MUC20: variants seen among roughly 807,000 people sequenced by gnomAD.
MUC20 encodes mucin-20.
MUC20 carries 14 observed loss-of-function variants against 23.8 expected under a neutral mutation model. The observed-to-expected ratio is 0.59, with a 90% CI of 0.39 to 0.92. MUC20 has a LOEUF of 0.92. MUC20 is among the 40% of genes least tolerant of loss of function. The pLI is 0.00. For synonymous variants in MUC20, 166 were observed against 279.3 expected (o/e 0.59, Z 4.04); for missense variants, 375 against 668.8 (o/e 0.56, Z 4.85).
At chr3:195,729,849 G>A in intron 3 of MUC20, 110 bp downstream of exon 3, 2 of 1,061,754 alleles carry the variant, frequency 1.9e-6, no homozygotes, top group African/African-American at 1.6e-5. Context: ...TTGGAAGGGA[G>A]TCTCGTTTCT....
In MUC20 at chr3:195,729,702, TCA is replaced by T; in HGVS notation, c.2026_2027del (p.Thr676Ter). ...CTGAGTGTGGCTTCCCCGGAAGACCTCACTGACCCCAGAGTGGCAGAAAGGCT... is the reference window on the plus strand; with the variant it reads ...CTGAGTGTGGCTTCCCCGGAAGACCTCTGACCCCAGAGTGGCAGAAAGGCT... On this transcript the variant is annotated frameshift_variant, in exon 3 of 4. Transcript: ENST00000447234. LOFTEE classifies it low-confidence loss of function (END_TRUNC). 1.9e-6 allele frequency: 3 copies of T among 1,597,832 alleles called. No individual in the cohort carries two copies. The highest frequency in any genetic ancestry group is 2.6e-6 in the Non-Finnish European group (3 of 1,171,636).
chr3:195,726,257 G>T lies in MUC20; in HGVS notation c.1654G>T (p.Val552Phe), dbSNP rs763437748. 3.1e-6 allele frequency: 5 copies of T among 1,613,906 alleles called. No homozygotes were observed. In the East Asian group the frequency reaches 1.1e-4, roughly 36 times the overall value. The change falls in exon 2 of 4, where the codon GTC becomes TTC. Residue 552 changes from valine (V) to phenylalanine (F), a missense_variant. Physicochemically the swap from Val to Phe is conservative, Grantham distance 50. This residue lies in a region of MUC20 where 343 missense variants were observed against 340.2 expected (regional missense o/e 1.01). Transcript: ENST00000447234. The stretch of plus-strand genomic sequence containing the variant: ...CGTCAAAGTCTCAGGAGCAGCTCCG[G>T]TCTCCATAGAGGCTGGGTCAGCAGT... ...SYVKVSGAAPVSIEAGSAVGK... is the reference protein window; with the variant it reads ...SYVKVSGAAPFSIEAGSAVGK...
intron 2 of MUC20, among the ~76,000 whole-genome samples, chr3:195,728,659 C>T (rs1380236611): frequency 1.3e-5 from 2 of 152,008 alleles, no homozygotes; most frequent in Non-Finnish European, 2.9e-5. Context: ...TTTACTAATC[C>T]ACCTCAGCAC....
chr3:195,730,034 C>T lies in MUC20; in HGVS notation c.2061+295C>T, dbSNP rs1391781111. 4.5e-4 allele frequency: 147 copies of T among 328,344 alleles called. No individual in the cohort carries two copies. In the East Asian group the frequency reaches 7.7e-3, roughly 17 times the overall value. The allele number at this position is 328,344 out of a possible 1,614,324, so 20.3% of individuals were successfully genotyped here. ...GCCTCTGAGGCAAAGGTCAGTGATA[C>T]TGATGGGAGGGTAGGTCGGACTCTT... is the stretch of plus-strand genomic sequence containing the variant. On this transcript the variant is annotated intron_variant, in intron 3 of 3. Coordinates refer to ENST00000447234, the MANE Select transcript of MUC20 (RefSeq NM_001282506.2).
chr3:195,726,236 A>T lies in MUC20; in HGVS notation c.1633A>T (p.Lys545Ter). 2 of 1,613,906 alleles carry T rather than the reference A, an allele frequency of 1.2e-6. No individual in the cohort carries two copies. Among genetic ancestry groups the T allele is most frequent in the Non-Finnish European group, 1.7e-6 (2 of 1,179,804 alleles). Reference sequence around the variant, plus strand: ...CTCTGTTGAGACACCAAGTTACGTCAAAGTCTCAGGAGCAGCTCCGGTCTC... The same window carrying T: ...CTCTGTTGAGACACCAAGTTACGTCTAAGTCTCAGGAGCAGCTCCGGTCTC... ...ALSVETPSYV[K>*]VSGAAPVSIE... Residue 545 changes from lysine (K) to a stop codon, truncating the protein, a stop_gained, in exon 2 of 4, where the codon AAA (lysine) becomes TAA (stop). Coordinates refer to ENST00000447234, the MANE Select transcript of MUC20 (RefSeq NM_001282506.2). LOFTEE classifies it high-confidence loss of function.
intron 1 of MUC20, among the ~76,000 whole-genome samples, chr3:195,723,606 T>C (rs1712367319): frequency 9.8e-6 from 1 of 102,280 alleles, no homozygotes; most frequent in Non-Finnish European, 2.0e-5. Context: ...TATTCGTCGT[T>C]TATCTGAAAT....
rs1314312506 is a variant in MUC20, at chr3:195,733,250, A to G, written c.*32A>G. ...TCAGCTGCAGCCAGGCATGTCCCGT[A>G]TGCCAAAAGAGGGTGCTGCCCCTAG... On this transcript the variant is annotated 3_prime_UTR_variant, in exon 4 of 4. Transcript: ENST00000447234. 3 of 1,567,562 alleles carry G rather than the reference A, an allele frequency of 1.9e-6. No homozygotes were observed. Among genetic ancestry groups the G allele is most frequent in the South Asian group, 1.2e-5 (1 of 84,644 alleles).
At chr3:195,721,554 G>C (rs150538069) in intron 1 of MUC20, among the ~76,000 whole-genome samples, 239 of 137,898 alleles carry the variant, frequency 1.7e-3, no homozygotes, top group South Asian at 9.9e-3. Context: ...TACAGATTTC[G>C]TGTGAAAAGT....
At chr3:195,731,907 C>T (rs1330129991) in intron 3 of MUC20, among the ~76,000 whole-genome samples, 1 of 152,272 alleles carries the variant, frequency 6.6e-6, no homozygotes, top group African/African-American at 2.4e-5. Context: ...AAATAAGTGA[C>T]AAATGCCCCC....
In MUC20 at chr3:195,733,214, G is replaced by A. The variant is rs1169840112; in HGVS notation, c.2126G>A (p.Gly709Asp). 6.3e-7 allele frequency: 1 copy of A among 1,590,220 alleles called. No homozygotes were observed. Among genetic ancestry groups the A allele is most frequent in the Middle Eastern group, 1.7e-4 (1 of 6,054 alleles). The change falls in exon 4 of 4, where the codon GGC becomes GAC. Residue 709 changes from glycine (G) to aspartate (D), a missense_variant. By Grantham distance (94) the Gly-to-Asp change is moderately conservative. Transcript: ENST00000447234. ...FQVSLLRVRR[G>D] ...GTCTCCTTACTGCGTGTCAGGAGAG[G>A]CTAACGGACATCAGCTGCAGCCAGG... is the stretch of plus-strand genomic sequence containing the variant.
At chr3:195,730,069 T>C in intron 3 of MUC20, 1 of 202,838 alleles carries the variant, frequency 4.9e-6, no homozygotes, top group Non-Finnish European at 9.0e-6. Context: ...TGGTTGCAAG[T>C]GGCAGAAACC....
intron 2 of MUC20, among the ~76,000 whole-genome samples, chr3:195,727,359 G>C (rs1054986032): frequency 4.6e-5 from 7 of 152,118 alleles, no homozygotes; most frequent in Non-Finnish European, 8.8e-5. Context: ...GAGACGGAGT[G>C]AAACTCCGTC....
rs1713598404 is a variant in MUC20, at chr3:195,733,348, A to C, written c.*130A>C. On this transcript the variant is annotated 3_prime_UTR_variant, in exon 4 of 4. Coordinates refer to ENST00000447234, the MANE Select transcript of MUC20 (RefSeq NM_001282506.2). The stretch of plus-strand genomic sequence containing the variant: ...TACCCAGAAGGTTCCCATGAAGGGC[A>C]GCATGTCCAAGCCCCTGACCCCAGA... 2.0e-6 allele frequency: 3 copies of C among 1,504,130 alleles called. No homozygotes were observed. The highest frequency in any genetic ancestry group is 5.0e-5 in the East Asian group (2 of 40,388). 93.2% of individuals were successfully genotyped at this position (1,504,130 alleles called of 1,614,324 possible).
intron 3 of MUC20, among the ~76,000 whole-genome samples, chr3:195,732,192 T>C (rs1713461296): frequency 6.6e-6 from 1 of 152,016 alleles, no homozygotes; most frequent in African/African-American, 2.4e-5. Context: ...TTAGTAGAGA[T>C]GGAGTTTCAG....
intron 2 of MUC20, among the ~76,000 whole-genome samples, chr3:195,728,675 C>A (rs1335273910): frequency 1.3e-5 from 2 of 152,054 alleles, no homozygotes; most frequent in East Asian, 1.9e-4. Flanking sequence ...AGCACAGACC[C>A]TTTACGGGTG....
At chr3:195,731,975 C>CTTTTGTTTTGTTTTG (rs57899187) in intron 3 of MUC20, among the ~76,000 whole-genome samples, 10,824 of 150,534 alleles carry the variant, frequency 0.072, 1 homozygote, top group Non-Finnish European at 0.1. Context: ...AAGCCAATTG[C>CTTTTGTTTTGTTTTG]TTTTGTTTTG....
chr3:195,731,333 AG>A (rs1713367603), intron 3 of MUC20, among the ~76,000 whole-genome samples: 1 of 152,234 alleles, frequency 6.6e-6, no homozygotes, highest in African/African-American at 2.4e-5. Context: ...TAGAGTTCAT[AG>A]CCAGGCTGGA....
chr3:195,731,734 G>A (rs890336669), intron 3 of MUC20, among the ~76,000 whole-genome samples: 4 of 152,262 alleles, frequency 2.6e-5, no homozygotes, highest in Non-Finnish European at 5.9e-5. Flanking sequence ...TTGATAGGCT[G>A]AGCTTAGCCC....
chr3:195,729,332 TTTTG>T (rs1713104022), intron 2 of MUC20: 3 of 255,528 alleles, frequency 1.2e-5, no homozygotes, highest in South Asian at 9.6e-5. Flanking sequence ...TTTTTTTTTT[TTTTG>T]AGACAGTTTC....
Sources: gnomAD v4.1 joint callset for allele counts (sites outside exome capture counted in the v4.1 genomes callset) on GRCh38, gnomAD v4.1.1 for gene constraint, gnomAD v4.1.1 regional missense constraint, MANE v1.5 for transcripts, NCBI Gene and HGNC (gene_info 2026-07-23, HGNC 2026-07-21) for gene names.